PTPRD: variants seen among roughly 807,000 people sequenced by gnomAD.
PTPRD encodes the protein receptor-type tyrosine-protein phosphatase delta.
A neutral mutation model predicts 214.5 loss-of-function variants in PTPRD; 34 were observed. That is an observed-to-expected ratio of 0.16 (90% CI 0.12 to 0.21). The LOEUF (loss-of-function observed/expected upper bound fraction) is 0.21. Among genes scored for constraint, PTPRD ranks in the 10% least tolerant of loss-of-function variants. The probability of loss-of-function intolerance (pLI) is 1.00; values close to 1 mark genes in which losing one functional copy is unlikely to be tolerated. For synonymous variants in PTPRD, 1,128 were observed against 845.7 expected (o/e 1.33, Z -5.79); for missense variants, 2,545 against 2,398.7 (o/e 1.06, Z -1.27).
chr9:9,561,879 T>C (rs78394793), intron 8 of PTPRD, among the ~76,000 whole-genome samples: 2,030 of 152,290 alleles, frequency 0.013, 37 homozygotes, highest in African/African-American at 0.046. Context: ...GGCTCAGACT[T>C]AGACATTTTC....
intron 9 of PTPRD, among the ~76,000 whole-genome samples, chr9:9,240,067 C>T (rs894399916): frequency 6.6e-6 from 1 of 152,080 alleles, no homozygotes; most frequent in Non-Finnish European, 1.5e-5. Flanking sequence ...TTTCATGACC[C>T]ATTCAAGCAC....
chr9:9,198,484 G>A (rs566997795), intron 9 of PTPRD, among the ~76,000 whole-genome samples: 23 of 152,096 alleles, frequency 1.5e-4, no homozygotes, highest in African/African-American at 4.8e-4. Flanking sequence ...TGACACATGC[G>A]ATGTGGAAGC....
chr9:9,637,863 G>A (rs748514989), intron 7 of PTPRD, among the ~76,000 whole-genome samples: 2 of 152,120 alleles, frequency 1.3e-5, no homozygotes, highest in Admixed American at 6.6e-5. Context: ...GAGACTCTCT[G>A]AGGCATCTTC....
chr9:10,599,296 A>G (rs1392936420), intron 2 of PTPRD, among the ~76,000 whole-genome samples: 1 of 151,802 alleles, frequency 6.6e-6, no homozygotes, highest in African/African-American at 2.4e-5. Context: ...TTGAGTTATT[A>G]TCTGAGTATG....
chr9:10,502,776 C>G (rs186308484), intron 2 of PTPRD, among the ~76,000 whole-genome samples: 7 of 152,030 alleles, frequency 4.6e-5, no homozygotes, highest in Non-Finnish European at 1.0e-4. Flanking sequence ...CCAGTTGACC[C>G]ATAAAATATC....
chr9:8,442,335 C>T (rs546876743), intron 34 of PTPRD, among the ~76,000 whole-genome samples: 2 of 152,266 alleles, frequency 1.3e-5, no homozygotes, highest in Admixed American at 6.5e-5. Context: ...CAAACACTTG[C>T]TCTATTTTCA....
At chr9:10,455,788 T>A (rs2098910376) in intron 2 of PTPRD, among the ~76,000 whole-genome samples, 1 of 151,786 alleles carries the variant, frequency 6.6e-6, no homozygotes, top group African/African-American at 2.4e-5. Context: ...CTTCATCATT[T>A]ATTTATAAGG....
intron 5 of PTPRD, among the ~76,000 whole-genome samples, chr9:9,918,158 G>C (rs186631380): frequency 2.0e-5 from 3 of 151,792 alleles, no homozygotes; most frequent in Non-Finnish European, 4.4e-5. Flanking sequence ...AAAATCTAGA[G>C]AGTCTACCAA....
intron 9 of PTPRD, among the ~76,000 whole-genome samples, chr9:9,240,579 G>A (rs2099969852): frequency 6.6e-6 from 1 of 152,120 alleles, no homozygotes; most frequent in African/African-American, 2.4e-5. Flanking sequence ...ACTGAGTTAG[G>A]AGAATTGCTT....
intron 3 of PTPRD, among the ~76,000 whole-genome samples, chr9:10,093,466 C>A (rs2098452636): frequency 6.6e-6 from 1 of 151,050 alleles, no homozygotes; most frequent in Admixed American, 6.6e-5. Context: ...GGCATGGCAG[C>A]AGAAAAACGG....
intron 3 of PTPRD, among the ~76,000 whole-genome samples, chr9:10,108,999 C>A (rs2098664404): frequency 6.6e-6 from 1 of 151,996 alleles, no homozygotes; most frequent in Non-Finnish European, 1.5e-5. Flanking sequence ...CTAGGACTAG[C>A]ATATCATTTG....
At chr9:8,765,982 T>A (rs188415634) in intron 11 of PTPRD, among the ~76,000 whole-genome samples, 12 of 152,098 alleles carry the variant, frequency 7.9e-5, no homozygotes, top group African/African-American at 2.7e-4. Flanking sequence ...TATAAACAGG[T>A]AGTTCTAAAC....
intron 11 of PTPRD, among the ~76,000 whole-genome samples, chr9:8,824,670 C>T (rs377178672): frequency 3.3e-5 from 5 of 152,054 alleles, no homozygotes; most frequent in South Asian, 2.1e-4. Flanking sequence ...AAGCTGATAC[C>T]GGGTTGTCAG....
intron 5 of PTPRD, among the ~76,000 whole-genome samples, chr9:9,919,437 C>G (rs143006614): frequency 1.3e-5 from 2 of 152,110 alleles, no homozygotes; most frequent in Non-Finnish European, 2.9e-5. Flanking sequence ...TTTCAGACAC[C>G]TCCCTTACCA....
At chr9:8,502,398 G>A (rs1563886240) in intron 23 of PTPRD, among the ~76,000 whole-genome samples, 2 of 152,020 alleles carry the variant, frequency 1.3e-5, no homozygotes, top group Admixed American at 1.3e-4. Context: ...ATTACGGAGT[G>A]CCAGGTGTAT....
At chr9:10,080,961 C>A (rs999894479) in intron 3 of PTPRD, among the ~76,000 whole-genome samples, 24 of 152,066 alleles carry the variant, frequency 1.6e-4, no homozygotes, top group Admixed American at 1.4e-3. Flanking sequence ...CTCTCAGGAA[C>A]AATTATCTCT....
chr9:9,132,469 G>A (rs2099844332), intron 10 of PTPRD, among the ~76,000 whole-genome samples: 1 of 152,038 alleles, frequency 6.6e-6, no homozygotes, highest in South Asian at 2.1e-4. Context: ...TTCTTGCAGA[G>A]GAAATTATTA....
intron 2 of PTPRD, among the ~76,000 whole-genome samples, chr9:10,603,378 A>G (rs974871768): frequency 1.3e-5 from 2 of 151,804 alleles, no homozygotes; most frequent in Non-Finnish European, 2.9e-5. Flanking sequence ...CTGCATTCAC[A>G]TTTGTGATCA....
intron 3 of PTPRD, among the ~76,000 whole-genome samples, chr9:10,138,882 T>A (rs971719251): frequency 6.6e-6 from 1 of 151,946 alleles, no homozygotes; most frequent in African/African-American, 2.4e-5. Flanking sequence ...AAACTAAGCA[T>A]TGAAGGAACA....
Sources: gnomAD v4.1 joint callset for allele counts (sites outside exome capture counted in the v4.1 genomes callset) on GRCh38, gnomAD v4.1.1 for gene constraint, MANE v1.5 for transcripts, NCBI Gene and HGNC (gene_info 2026-07-23, HGNC 2026-07-21) for gene names.